The following INCENP variants were observed in gnomAD, a reference collection of about 807,000 sequenced individuals.
INCENP encodes the protein binds and activates aurora-B and -C in vivo and in vitro.
A neutral mutation model predicts 107.3 loss-of-function variants in INCENP; 43 were observed. That is an observed-to-expected ratio of 0.40 (90% CI 0.31 to 0.52). The LOEUF (loss-of-function observed/expected upper bound fraction) is 0.52. INCENP is among the 20% of genes least tolerant of loss of function. The pLI is 0.53. For synonymous variants in INCENP, 488 were observed against 494.4 expected, an observed-to-expected ratio of 0.99 and a Z score of 0.17; for missense variants, 1,089 against 1,250.9, an observed-to-expected ratio of 0.87 and a Z score of 1.95.
intron 4 of INCENP, among the ~76,000 whole-genome samples, chr11:62,136,110 T>G (rs1157777964): frequency 2.6e-5 from 4 of 152,228 alleles, no homozygotes; most frequent in Non-Finnish European, 4.4e-5. Context: ...GCCCAATTTT[T>G]AAATTATTGT....
At chr11:62,136,105 A>G (rs572483804) in intron 4 of INCENP, among the ~76,000 whole-genome samples, 3 of 152,138 alleles carry the variant, frequency 2.0e-5, no homozygotes, top group Non-Finnish European at 4.4e-5. Flanking sequence ...CCTTGGCCCA[A>G]TTTTTAAATT....
intron 1 of INCENP, among the ~76,000 whole-genome samples, chr11:62,127,067 C>T (rs147434002): frequency 4.8e-5 from 7 of 146,770 alleles, no homozygotes; most frequent in East Asian, 2.0e-4. Flanking sequence ...GAGACAGTCT[C>T]GCTGCGATGC....
intron 7 of INCENP, 43 bp downstream of exon 7, chr11:62,139,048 G>T: frequency 7.2e-7 from 1 of 1,391,006 alleles, no homozygotes; most frequent in Non-Finnish European, 1.0e-6. Context: ...CGGAGCCACA[G>T]CGGGCCTTGG....
Position 62,141,521 on chromosome 11 carries a change from G to C in INCENP, c.1605+10G>C, listed in dbSNP as rs1014554423. The C allele has an allele frequency of 6.2e-7, 1 of 1,614,032 alleles. No homozygotes were observed. The highest frequency in any genetic ancestry group is 1.3e-5 in the African/African-American group (1 of 75,064). On this transcript the variant is annotated intron_variant, in intron 11 of 18. Coordinates refer to ENST00000394818, the MANE Select transcript of INCENP (RefSeq NM_001040694.2). ...ACAGTGCAGCTTCGTCGTAAGTAAA[G>C]CCTTTTCCTGTCGGTAACCTCGCCC...
At chr11:62,149,719 G>A (rs562859057) in intron 17 of INCENP, among the ~76,000 whole-genome samples, 13 of 152,174 alleles carry the variant, frequency 8.5e-5, no homozygotes, top group African/African-American at 2.9e-4. Flanking sequence ...TCAGGAGTTC[G>A]AGACCAGCCT....
At chr11:62,136,216 G>A (rs113481240) in intron 4 of INCENP, among the ~76,000 whole-genome samples, 28 of 152,294 alleles carry the variant, frequency 1.8e-4, no homozygotes, top group African/African-American at 6.3e-4. Context: ...ATTGTCAGTC[G>A]TTCTTTTAAT....
At chr11:62,127,638 T>A (rs1433174827) in intron 1 of INCENP, among the ~76,000 whole-genome samples, 1 of 152,240 alleles carries the variant, frequency 6.6e-6, no homozygotes, top group Admixed American at 6.5e-5. Flanking sequence ...TTTGATGTTC[T>A]TTGGCCTGAT....
chr11:62,147,309 G>A (rs1046923383), intron 15 of INCENP, among the ~76,000 whole-genome samples: 7 of 152,168 alleles, frequency 4.6e-5, no homozygotes, highest in African/African-American at 1.4e-4. Flanking sequence ...TGGTGAGGAC[G>A]ATAACTCAGA....
At chr11:62,125,018 C>T (rs1199526341) in intron 1 of INCENP, among the ~76,000 whole-genome samples, 1 of 152,178 alleles carries the variant, frequency 6.6e-6, no homozygotes, top group Non-Finnish European at 1.5e-5. Context: ...TAGAGGAGGA[C>T]GATGGGGCCT....
At chr11:62,128,531 G>T (rs1396434072) in intron 2 of INCENP, among the ~76,000 whole-genome samples, 1 of 152,240 alleles carries the variant, frequency 6.6e-6, no homozygotes, top group African/African-American at 2.4e-5. Context: ...TGCTGGCTGG[G>T]CCTCTCAGGG....
chr11:62,148,023 A>G (rs1477006109), intron 15 of INCENP, among the ~76,000 whole-genome samples: 2 of 152,132 alleles, frequency 1.3e-5, no homozygotes, highest in African/African-American at 4.8e-5. Flanking sequence ...AGGTTAAATG[A>G]CATGTTCAAA....
intron 4 of INCENP, among the ~76,000 whole-genome samples, chr11:62,131,862 C>T (rs2446743): frequency 0.53 from 80,250 of 151,806 alleles, 23,684 homozygotes; most frequent in Non-Finnish European, 0.68. Context: ...ACTGCAACCT[C>T]TGCATGCATC....
Position 62,145,028 on chromosome 11 carries a change from C to T in INCENP, c.1652C>T (p.Ala551Val). 1 of 1,609,396 alleles carries T rather than the reference C, an allele frequency of 6.2e-7. No homozygotes were observed. The highest frequency in any genetic ancestry group is 1.1e-5 in the South Asian group (1 of 90,542). Residue 551 changes from alanine to valine, a missense_variant, in exon 12 of 19, where the codon GCC (alanine) becomes GTC (valine). By Grantham distance (64) the Ala-to-Val change is moderately conservative (BLOSUM62 0). Coordinates refer to ENST00000394818, the MANE Select transcript of INCENP (RefSeq NM_001040694.2). ...GAGAATCTGCGGCGGAAGGAGGAGG[C>T]CGAGCAGCTGCGCAGGCAGAAGGTG... ...RLENLRRKEEAEQLRRQKVEE... is the reference protein window; with the variant it reads ...RLENLRRKEEVEQLRRQKVEE...
intron 17 of INCENP, among the ~76,000 whole-genome samples, chr11:62,149,541 A>G (rs1439985126): frequency 6.6e-6 from 1 of 152,180 alleles, no homozygotes; most frequent in African/African-American, 2.4e-5. Flanking sequence ...GGAGGATTCT[A>G]GACACACTGA....
chr11:62,145,330 T>C (rs766785160), intron 13 of INCENP, 41 bp downstream of exon 13: 2 of 1,612,514 alleles, frequency 1.2e-6, no homozygotes, highest in Non-Finnish European at 1.7e-6. Context: ...ATTCAGGACT[T>C]GGGCCAAGGG....
chr11:62,133,394 G>A, intron 4 of INCENP, among the ~76,000 whole-genome samples: 1 of 152,224 alleles, frequency 6.6e-6, no homozygotes, highest in African/African-American at 2.4e-5. Flanking sequence ...GAACTGCTGT[G>A]TGTCAGCAGG....
In INCENP at chr11:62,146,908, G is replaced by T. The variant is rs769392934; in HGVS notation, c.2204+6G>T. On this transcript the variant is annotated splice_donor_region_variant and intron_variant, in intron 15 of 18. Transcript: ENST00000394818. ...GAGCGGCTCCAGGCCGAGAGGTGAG[G>T]GACCTGCTGGCCCGCCTGCCTGCCT... 133 of 1,600,388 alleles carry T rather than the reference G, an allele frequency of 8.3e-5. No homozygotes were observed. The highest frequency in any genetic ancestry group is 1.1e-4 in the Non-Finnish European group (127 of 1,178,850).
intron 15 of INCENP, among the ~76,000 whole-genome samples, chr11:62,148,214 T>G (rs993345158): frequency 6.6e-6 from 1 of 152,222 alleles, no homozygotes; most frequent in Non-Finnish European, 1.5e-5. Flanking sequence ...AAAAGTGTTA[T>G]GAGGCTCAGA....
intron 10 of INCENP, 151 bp from the exon 11 acceptor site, chr11:62,141,349 G>A: frequency 2.0e-6 from 2 of 998,060 alleles, no homozygotes; most frequent in Non-Finnish European, 3.2e-6. Flanking sequence ...ACTGGGGTGA[G>A]GGTTGGGTGA....
Sources: allele counts gnomAD v4.1 joint callset (sites outside exome capture counted in the v4.1 genomes callset), GRCh38; gene constraint gnomAD v4.1.1; transcripts MANE v1.5; gene names NCBI Gene and HGNC (gene_info 2026-07-23, HGNC 2026-07-21).